PDGFD: variants seen among roughly 807,000 people sequenced by gnomAD.
The protein encoded by PDGFD is platelet derived growth factor D.
Under a neutral mutation model 44.7 loss-of-function variants are expected in PDGFD, and 30 were observed. The observed-to-expected ratio is 0.67, with a 90% CI of 0.50 to 0.91. The LOEUF is 0.91. Ranked by LOEUF, PDGFD falls within the 40% of genes least tolerant of loss-of-function variation. The pLI is 0.00. For missense variants in PDGFD, 445 were observed against 457.8 expected (o/e 0.97, Z 0.25); for synonymous variants, 173 against 168.4 (o/e 1.03, Z -0.21).
chr11:103,985,110 T>TAATATATAATATATTAATTTATTC (rs1859340298), intron 3 of PDGFD, among the ~76,000 whole-genome samples: 1 of 134,514 alleles, frequency 7.4e-6, no homozygotes, highest in Non-Finnish European at 1.6e-5. Context: ...TTAATTTATT[T>TAATATATAATATATTAATTTATTC]AATATATAAT....
chr11:103,943,470 G>GGTAT lies in PDGFD; in HGVS notation c.750_753dup (p.His252IlefsTer3). ...CTCTTACCTTTTGACTTCCGGTCAT[G>GGTAT]GTATGACCTGCCTCGATACCGAGGG... On this transcript the variant is annotated frameshift_variant, in exon 5 of 7. Coordinates refer to ENST00000393158, the MANE Select transcript of PDGFD (RefSeq NM_025208.5). LOFTEE classifies it high-confidence loss of function. 1 of 1,612,176 alleles carries GGTAT rather than the reference G, an allele frequency of 6.2e-7. No individual in the cohort carries two copies. The highest frequency in any genetic ancestry group is 8.5e-7 in the Non-Finnish European group (1 of 1,179,154).
At chr11:104,062,158 G>A (rs145856045) in intron 1 of PDGFD, among the ~76,000 whole-genome samples, 4 of 152,298 alleles carry the variant, frequency 2.6e-5, no homozygotes, top group Non-Finnish European at 5.9e-5. Flanking sequence ...GAGATAAAGG[G>A]TAGCAACTTC....
chr11:104,055,867 A>G (rs1349367110), intron 1 of PDGFD, among the ~76,000 whole-genome samples: 4 of 152,206 alleles, frequency 2.6e-5, no homozygotes, highest in African/African-American at 7.2e-5. Flanking sequence ...CTTCCTTCAT[A>G]TAAGGAGAAA....
intron 1 of PDGFD, among the ~76,000 whole-genome samples, chr11:104,021,527 G>T (rs1040880275): frequency 1.3e-5 from 2 of 152,100 alleles, no homozygotes; most frequent in Admixed American, 1.3e-4. Flanking sequence ...GTCATCCACT[G>T]TTTCTACTAG....
intron 1 of PDGFD, among the ~76,000 whole-genome samples, chr11:104,031,021 G>A (rs144778910): frequency 6.4e-4 from 97 of 152,066 alleles, no homozygotes; most frequent in East Asian, 6.2e-3. Flanking sequence ...AATGTAATAC[G>A]CAAAACGATC....
intron 6 of PDGFD, among the ~76,000 whole-genome samples, chr11:103,911,203 C>T (rs1052870550): frequency 9.9e-5 from 15 of 152,162 alleles, no homozygotes; most frequent in African/African-American, 3.1e-4. Flanking sequence ...AAGAGAGCAG[C>T]GGATCTCCCA....
intron 1 of PDGFD, among the ~76,000 whole-genome samples, chr11:104,133,551 T>A (rs1470144580): frequency 6.6e-6 from 1 of 152,140 alleles, no homozygotes; most frequent in Non-Finnish European, 1.5e-5. Context: ...CATATTCAAG[T>A]ATGGCAGTAT....
chr11:104,128,232 G>T (rs1861867473), intron 1 of PDGFD, among the ~76,000 whole-genome samples: 1 of 151,454 alleles, frequency 6.6e-6, no homozygotes, highest in African/African-American at 2.4e-5. Context: ...ATGTGGAATA[G>T]GTGAGTCATA....
chr11:103,911,956 G>A (rs1858035232), intron 6 of PDGFD, among the ~76,000 whole-genome samples: 1 of 118,778 alleles, frequency 8.4e-6, no homozygotes, highest in Non-Finnish European at 1.9e-5. Context: ...AACAAACAAA[G>A]CCTCCAAGAA....
chr11:104,161,704 A>C (rs1402450124), intron 1 of PDGFD, among the ~76,000 whole-genome samples: 1 of 152,196 alleles, frequency 6.6e-6, no homozygotes, highest in African/African-American at 2.4e-5. Flanking sequence ...GATTGTGTTC[A>C]CCCTCTAAGA....
At chr11:104,037,318 C>T (rs760655053) in intron 1 of PDGFD, 1 of 1,613,798 alleles carries the variant, frequency 6.2e-7, no homozygotes, top group Non-Finnish European at 8.5e-7. Flanking sequence ...ACGCAACCCT[C>T]CCTTGGCGGA....
intron 1 of PDGFD, among the ~76,000 whole-genome samples, chr11:104,106,648 G>T (rs1252182778): frequency 6.6e-6 from 1 of 151,880 alleles, no homozygotes; most frequent in African/African-American, 2.4e-5. Context: ...TAGAAAACTT[G>T]AAGACTAGCA....
At chr11:104,053,015 G>A (rs750083056) in intron 1 of PDGFD, among the ~76,000 whole-genome samples, 1 of 152,054 alleles carries the variant, frequency 6.6e-6, no homozygotes, top group Non-Finnish European at 1.5e-5. Flanking sequence ...TTTTCATCCT[G>A]TAATTTTAAC....
chr11:104,096,412 T>C (rs1861289478), intron 1 of PDGFD, among the ~76,000 whole-genome samples: 1 of 152,140 alleles, frequency 6.6e-6, no homozygotes, highest in Admixed American at 6.6e-5. Flanking sequence ...ATAAGAGCTG[T>C]GTATGGTATA....
intron 3 of PDGFD, among the ~76,000 whole-genome samples, chr11:103,972,363 C>T (rs1343982013): frequency 1.3e-5 from 2 of 152,134 alleles, no homozygotes; most frequent in Non-Finnish European, 2.9e-5. Flanking sequence ...TATGCCAAAC[C>T]ACCCCTGGCT....
intron 1 of PDGFD, among the ~76,000 whole-genome samples, chr11:104,114,083 G>GA (rs1861598806): frequency 3.3e-5 from 5 of 151,958 alleles, no homozygotes; most frequent in Admixed American, 3.3e-4. Context: ...TTACAAAGTA[G>GA]AAAATTTTTA....
chr11:103,915,623 C>T (rs1222823999), intron 6 of PDGFD, among the ~76,000 whole-genome samples: 1 of 152,072 alleles, frequency 6.6e-6, no homozygotes, highest in Non-Finnish European at 1.5e-5. Context: ...AAAAAAGAGC[C>T]CACAGAGCCA....
At chr11:103,974,124 A>ATTTTC (rs1859146114) in intron 3 of PDGFD, among the ~76,000 whole-genome samples, 1 of 152,076 alleles carries the variant, frequency 6.6e-6, no homozygotes, top group African/African-American at 2.4e-5. Flanking sequence ...AAAGAGGAAA[A>ATTTTC]AGGGCTCATA....
chr11:104,077,090 T>TTC (rs1483681305), intron 1 of PDGFD, among the ~76,000 whole-genome samples: 29 of 152,022 alleles, frequency 1.9e-4, no homozygotes, highest in Admixed American at 3.3e-4. Flanking sequence ...AGTTATACAT[T>TTC]GATTTCTGAG....
Sources: gnomAD v4.1 joint callset for allele counts (sites outside exome capture counted in the v4.1 genomes callset) on GRCh38, gnomAD v4.1.1 for gene constraint, MANE v1.5 for transcripts, NCBI Gene and HGNC (gene_info 2026-07-23, HGNC 2026-07-21) for gene names.